Variants in WDPCP observed in about 807,000 individuals in gnomAD.
The protein encoded by WDPCP is WD repeat-containing and planar cell polarity effector protein fritz homolog.
Under a neutral mutation model 93.1 loss-of-function variants are expected in WDPCP, and 71 were observed. That is an observed-to-expected ratio of 0.76 (90% CI 0.63 to 0.93). The LOEUF (loss-of-function observed/expected upper bound fraction) is 0.93. Among genes scored for constraint, WDPCP ranks in the 40% least tolerant of loss-of-function variants. The pLI, the probability that WDPCP is intolerant of heterozygous loss-of-function variation, is 0.00. For missense variants in WDPCP, 844 were observed against 887.4 expected (o/e 0.95, Z 0.62); for synonymous variants, 315 against 315.0 (o/e 1.00, Z 0.00).
At chr2:63,724,653 G>C (rs754824538) in intron 2 of WDPCP, among the ~76,000 whole-genome samples, 8 of 152,180 alleles carry the variant, frequency 5.3e-5, no homozygotes, top group Non-Finnish European at 8.8e-5. Context: ...AAATTTAAGA[G>C]TGGGTCAAAC....
chr2:63,266,000 T>G (rs1682079902), intron 13 of WDPCP, among the ~76,000 whole-genome samples: 1 of 151,988 alleles, frequency 6.6e-6, no homozygotes, highest in African/African-American at 2.4e-5. Flanking sequence ...ATGGAAGGAA[T>G]ATACCTCAAC....
chr2:63,547,285 T>C (rs1705223328), intron 1 of WDPCP, among the ~76,000 whole-genome samples: 2 of 150,390 alleles, frequency 1.3e-5, no homozygotes, highest in South Asian at 2.1e-4. Flanking sequence ...AAAAGGAGAG[T>C]AGGCTCAACT....
intron 14 of WDPCP, among the ~76,000 whole-genome samples, chr2:63,193,880 G>A (rs368995040): frequency 2.0e-5 from 3 of 152,096 alleles, no homozygotes; most frequent in East Asian, 1.9e-4. Context: ...GGCTTTTTGC[G>A]AAATTTTGAG....
chr2:63,433,610 G>T, intron 9 of WDPCP, 135 bp downstream of exon 9: 1 of 969,214 alleles, frequency 1.0e-6, no homozygotes, highest in East Asian at 2.7e-5. Flanking sequence ...GTATCTTCTA[G>T]ATATGATACT....
intron 3 of WDPCP, chr2:63,599,603 G>A (rs1159313038): frequency 1.7e-5 from 3 of 175,598 alleles, no homozygotes; most frequent in African/African-American, 7.2e-5. Context: ...ATACATGATG[G>A]TACATAATTT....
chr2:63,735,476 G>A (rs1669624906), intron 2 of WDPCP, among the ~76,000 whole-genome samples: 1 of 152,162 alleles, frequency 6.6e-6, no homozygotes, highest in South Asian at 2.1e-4. Flanking sequence ...TGGGAAACAG[G>A]GTTGAGTCAG....
intron 6 of WDPCP, among the ~76,000 whole-genome samples, chr2:63,483,366 T>A (rs562418177): frequency 3.0e-4 from 45 of 152,112 alleles, no homozygotes; most frequent in African/African-American, 1.0e-3. Context: ...ATAATTTTTT[T>A]AAATGCCATC....
chr2:63,637,681 G>T (rs544716444), intron 3 of WDPCP, among the ~76,000 whole-genome samples: 1 of 152,172 alleles, frequency 6.6e-6, no homozygotes, highest in South Asian at 2.1e-4. Flanking sequence ...TACAGGAAAG[G>T]GTACTAAACA....
chr2:63,450,862 A>C (rs900989945), intron 6 of WDPCP, among the ~76,000 whole-genome samples: 1 of 145,088 alleles, frequency 6.9e-6, no homozygotes, highest in African/African-American at 2.4e-5. Flanking sequence ...CCCTACAAAA[A>C]CAAATTCAAA....
In WDPCP at chr2:63,602,934, C is replaced by CTTTTTT. The variant is rs370479356; in HGVS notation, n.488+47719_488+47724dup. 5.1e-3 allele frequency among the ~76,000 whole-genome samples: 670 copies of CTTTTTT among 131,306 alleles called. 40 individuals carry two copies. Among genetic ancestry groups the CTTTTTT allele is most frequent in the Non-Finnish European group, 8.9e-3 (530 of 59,376 alleles). The allele number at this position is 131,306 out of a possible 152,430, so 86.1% of individuals were successfully genotyped here. On this transcript the variant is annotated intron_variant and non_coding_transcript_variant, in intron 3 of 4. Transcript: ENST00000467687. ...ACATAATACAGTTTATTTAACCGTT[C>CTTTTTT]TTTTTTTTTTTTTTTTTTTTTTTTT... is the stretch of plus-strand genomic sequence containing the variant.
chr2:63,257,112 C>G (rs1242256728), intron 14 of WDPCP, among the ~76,000 whole-genome samples: 4 of 152,118 alleles, frequency 2.6e-5, no homozygotes, highest in Non-Finnish European at 5.9e-5. Context: ...TTCAGATTAT[C>G]ATCATCCAGC....
intron 13 of WDPCP, among the ~76,000 whole-genome samples, chr2:63,265,118 C>CT (rs1325210776): frequency 6.6e-6 from 1 of 152,020 alleles, no homozygotes; most frequent in Non-Finnish European, 1.5e-5. Context: ...AATAAACAAT[C>CT]TAACATTACA....
chr2:63,560,091 C>T (rs993825840), intron 1 of WDPCP, among the ~76,000 whole-genome samples: 3 of 150,522 alleles, frequency 2.0e-5, no homozygotes, highest in South Asian at 4.2e-4. Flanking sequence ...GGCGTGGTGT[C>T]GCATGCCTGT....
chr2:63,808,109 A>T (rs1428584990), intron 2 of WDPCP, among the ~76,000 whole-genome samples: 1 of 152,226 alleles, frequency 6.6e-6, no homozygotes, highest in Non-Finnish European at 1.5e-5. Context: ...TCATCATTTC[A>T]AGAAAATAAC....
intron 1 of WDPCP, among the ~76,000 whole-genome samples, chr2:63,538,895 A>C (rs1459489943): frequency 6.6e-6 from 1 of 152,176 alleles, no homozygotes; most frequent in East Asian, 1.9e-4. Context: ...TTCTCTTCTG[A>C]AAAATTATGT....
At chr2:63,692,584 G>GTATAAAC in intron 2 of WDPCP, among the ~76,000 whole-genome samples, 1 of 152,084 alleles carries the variant, frequency 6.6e-6, no homozygotes, top group African/African-American at 2.4e-5. Context: ...AGAATATTCA[G>GTATAAAC]CAATCATTAT....
chr2:63,552,081 CACACT>C, intron 1 of WDPCP, among the ~76,000 whole-genome samples: 1 of 146,304 alleles, frequency 6.8e-6, no homozygotes, highest in Admixed American at 6.9e-5. Context: ...TGTGAGCCAC[CACACT>C]TGGCCCTGCT....
chr2:63,462,646 A>C (rs1699095503), intron 6 of WDPCP, among the ~76,000 whole-genome samples: 1 of 152,154 alleles, frequency 6.6e-6, no homozygotes, highest in Non-Finnish European at 1.5e-5. Flanking sequence ...TCTGGCTAAA[A>C]ATATGCAGAA....
intron 6 of WDPCP, among the ~76,000 whole-genome samples, chr2:63,480,793 A>C (rs764364336): frequency 1.5e-4 from 23 of 152,204 alleles, no homozygotes; most frequent in Non-Finnish European, 3.1e-4. Context: ...CTAGAAGATA[A>C]CATTGGAAGA....
Sources: gnomAD v4.1 joint callset for allele counts (sites outside exome capture counted in the v4.1 genomes callset) on GRCh38, gnomAD v4.1.1 for gene constraint, MANE v1.5 for transcripts, NCBI Gene and HGNC (gene_info 2026-07-23, HGNC 2026-07-21) for gene names.